The following ITPKB variants were observed in gnomAD, a reference collection of about 807,000 sequenced individuals.
ITPKB encodes the protein IP3 3-kinase B.
ITPKB carries 13 observed loss-of-function variants against 69.4 expected under a neutral mutation model. That is an observed-to-expected ratio of 0.19 (90% CI 0.12 to 0.30). The LOEUF (loss-of-function observed/expected upper bound fraction) is 0.30, where lower values mean the gene tolerates loss of function less well. Among genes scored for constraint, ITPKB ranks in the 10% least tolerant of loss-of-function variants. ITPKB has a pLI of 1.00. For missense variants in ITPKB, 1,240 were observed against 1,250.5 expected (o/e 0.99, Z 0.13); for synonymous variants, 584 against 513.7 (o/e 1.14, Z -1.85).
At chr1:226,674,015 A>G (rs1222281579) in intron 2 of ITPKB, among the ~76,000 whole-genome samples, 1 of 151,772 alleles carries the variant, frequency 6.6e-6, no homozygotes, top group Non-Finnish European at 1.5e-5. Context: ...ATATCCTCAA[A>G]CTGCTCCATT....
chr1:226,685,197 C>T (rs1361301539), intron 2 of ITPKB, among the ~76,000 whole-genome samples: 2 of 152,192 alleles, frequency 1.3e-5, no homozygotes, highest in East Asian at 3.8e-4. Context: ...TGCGGACGCC[C>T]CTTTCAAAAC....
At chr1:226,668,091 TAC>T (rs1669540092) in intron 2 of ITPKB, among the ~76,000 whole-genome samples, 1 of 152,152 alleles carries the variant, frequency 6.6e-6, no homozygotes, top group Non-Finnish European at 1.5e-5. Context: ...ATGGGCTTTT[TAC>T]CATGACCATG....
chr1:226,717,014 T>G (rs540002863), intron 2 of ITPKB, among the ~76,000 whole-genome samples: 2 of 152,368 alleles, frequency 1.3e-5, no homozygotes, highest in South Asian at 4.1e-4. Context: ...CCTTTTAGTT[T>G]CTTCTGATTC....
intron 4 of ITPKB, among the ~76,000 whole-genome samples, chr1:226,646,199 T>C (rs1669058577): frequency 6.6e-6 from 1 of 152,234 alleles, no homozygotes; most frequent in African/African-American, 2.4e-5. Flanking sequence ...GCTTGGCATC[T>C]GGCCGTCCAG....
chr1:226,645,033 T>C (rs1385872790), intron 4 of ITPKB, among the ~76,000 whole-genome samples: 2 of 152,246 alleles, frequency 1.3e-5, no homozygotes, highest in Non-Finnish European at 2.9e-5. Context: ...GGTGCAGAAC[T>C]GCACCAAGCT....
intron 2 of ITPKB, among the ~76,000 whole-genome samples, chr1:226,705,671 G>T (rs1452250537): frequency 1.3e-5 from 2 of 152,088 alleles, no homozygotes; most frequent in African/African-American, 2.4e-5. Flanking sequence ...AAGGAGACTT[G>T]TATCTGTGAC....
intron 4 of ITPKB, among the ~76,000 whole-genome samples, chr1:226,644,831 G>A (rs942657058): frequency 6.6e-6 from 1 of 152,214 alleles, no homozygotes; most frequent in African/African-American, 2.4e-5. Context: ...AGGTGACCAT[G>A]AGCAGCCAGT....
intron 2 of ITPKB, among the ~76,000 whole-genome samples, chr1:226,715,467 CAGA>C (rs1218738062): frequency 1.3e-5 from 2 of 152,128 alleles, no homozygotes; most frequent in African/African-American, 4.8e-5. Flanking sequence ...TTTAAGAAAC[CAGA>C]AGATCAACAC....
At position 226,738,505 on chromosome 1, in the gene ITPKB, G is replaced by A. The variant is rs1657887171; in HGVS notation, c.-206+536C>T. ...ACGCGTGTGTGTATACGCCGCACGC[G>A]CGCGGAGCGAGTCCGCTCTCAGCGC... On this transcript the variant is annotated intron_variant, in intron 1 of 7. Coordinates refer to ENST00000429204, the MANE Select transcript of ITPKB (RefSeq NM_002221.4). The surrounding 1 kb of genome is among the most constrained non-coding windows in gnomAD (Gnocchi z 4.2). 6.6e-6 allele frequency among the ~76,000 whole-genome samples: 1 copy of A among 152,214 alleles called. No individual in the cohort carries two copies. Among genetic ancestry groups the A allele is most frequent in the South Asian group, 2.1e-4 (1 of 4,830 alleles).
rs1223967867 is a variant in ITPKB, at chr1:226,736,468, G to T, written c.991C>A (p.Arg331Ser). The change falls in exon 2 of 8, where the codon CGT becomes AGT. Residue 331 changes from arginine (R) to serine (S), a missense_variant. Physicochemically the swap from Arg to Ser is moderately radical, Grantham distance 110. Around this residue, in one of 2 missense-constraint regions of ITPKB, gnomAD observed 992 missense variants for 853.8 expected, o/e 1.16. Transcript: ENST00000429204. Reference protein sequence around the residue: ...LALTEPSGRARELEDLQPPEA... With the variant: ...LALTEPSGRASELEDLQPPEA... ...GGGGGCTGCAGGTCCTCAAGCTCACGGGCTCTCCCAGACGGCTCAGTGAGG... is the reference window on the plus strand; with the variant it reads ...GGGGGCTGCAGGTCCTCAAGCTCACTGGCTCTCCCAGACGGCTCAGTGAGG... 1.2e-6 allele frequency: 2 copies of T among 1,613,744 alleles called. No individual in the cohort carries two copies. The highest frequency in any genetic ancestry group is 2.2e-5 in the East Asian group (1 of 44,884).
intron 2 of ITPKB, among the ~76,000 whole-genome samples, chr1:226,649,565 G>A (rs1420858293): frequency 2.6e-5 from 4 of 151,656 alleles, no homozygotes; most frequent in African/African-American, 9.7e-5. Flanking sequence ...ATGCACATAT[G>A]TGTGCATGAG....
In ITPKB at chr1:226,736,815, G is replaced by A; in HGVS notation, c.644C>T (p.Thr215Ile). Residue 215 changes from threonine to isoleucine, a missense_variant, in exon 2 of 8, where the codon ACC (threonine) becomes ATC (isoleucine). Thr to Ile is a moderately conservative substitution (Grantham distance 89). This residue lies in a region of ITPKB where 992 missense variants were observed against 853.8 expected (regional missense o/e 1.16). Transcript: ENST00000429204. The stretch of plus-strand genomic sequence containing the variant: ...GGGCCCTCCTTTCCTCCCGGAGTCG[G>A]TTCCTGAAGTCTCTGGACATTGCTC... ...WGEQCPETSGTDSGRKGGPSL... is the reference protein window; with the variant it reads ...WGEQCPETSGIDSGRKGGPSL... 6.2e-7 allele frequency: 1 copy of A among 1,612,916 alleles called. No individual in the cohort carries two copies. The highest frequency in any genetic ancestry group is 8.5e-7 in the Non-Finnish European group (1 of 1,180,030).
At chr1:226,687,387 A>C (rs1184141995) in intron 2 of ITPKB, among the ~76,000 whole-genome samples, 2 of 152,160 alleles carry the variant, frequency 1.3e-5, no homozygotes, top group Non-Finnish European at 2.9e-5. Flanking sequence ...AGTGGGCCTT[A>C]AAGGGGAACA....
chr1:226,652,878 C>T (rs1217726392), intron 2 of ITPKB, among the ~76,000 whole-genome samples: 1 of 152,254 alleles, frequency 6.6e-6, no homozygotes, highest in Non-Finnish European at 1.5e-5. Flanking sequence ...CCCTTACTTC[C>T]TCACACACAG....
chr1:226,668,788 T>C (rs1669554227), intron 2 of ITPKB: 1 of 152,244 alleles, frequency 6.6e-6, no homozygotes, highest in South Asian at 2.1e-4. Context: ...TGCGGCTTTG[T>C]CTATTGATCA....
chr1:226,649,520 T>TGC (rs1669141338), intron 2 of ITPKB, among the ~76,000 whole-genome samples: 1 of 148,858 alleles, frequency 6.7e-6, no homozygotes, highest in Admixed American at 6.7e-5. Flanking sequence ...TGTGCATGTG[T>TGC]GTGATGTGTG....
chr1:226,664,674 C>T (rs190746806), intron 2 of ITPKB, among the ~76,000 whole-genome samples: 17 of 152,264 alleles, frequency 1.1e-4, no homozygotes, highest in Admixed American at 2.6e-4. Flanking sequence ...ACATCTGTCT[C>T]GGAGTGAAGT....
chr1:226,639,532 C>G (rs1668908331), intron 6 of ITPKB, 25 bp downstream of exon 6: 1 of 1,461,222 alleles, frequency 6.8e-7, no homozygotes, highest in Non-Finnish European at 9.6e-7. Flanking sequence ...GCTGGAGAGA[C>G]CCTCTCTGGA....
chr1:226,693,868 A>C (rs1656415772), intron 2 of ITPKB, among the ~76,000 whole-genome samples: 1 of 152,242 alleles, frequency 6.6e-6, no homozygotes, highest in Admixed American at 6.5e-5. Flanking sequence ...AATTCAAATG[A>C]TCCATGCGGC....
Sources: allele counts gnomAD v4.1 joint callset (sites outside exome capture counted in the v4.1 genomes callset), GRCh38; gene constraint gnomAD v4.1.1; regional missense constraint gnomAD v4.1.1; non-coding constraint Gnocchi (gnomAD v3.1); transcripts MANE v1.5; gene names NCBI Gene and HGNC (gene_info 2026-07-23, HGNC 2026-07-21).